LSM4: variants seen among roughly 807,000 people sequenced by gnomAD.
The protein encoded by LSM4 is U6 snRNA-associated Sm-like protein LSm4.
Under a neutral mutation model 22.3 loss-of-function variants are expected in LSM4, and 15 were observed. The ratio of observed to expected loss-of-function variants is 0.67; its 90% CI spans 0.45 to 1.03. The LOEUF (loss-of-function observed/expected upper bound fraction) is 1.03, where lower values mean the gene tolerates loss of function less well. Ranked by LOEUF, LSM4 falls within the 50% of genes least tolerant of loss-of-function variation. The probability of loss-of-function intolerance (pLI) is 0.00; values close to 1 mark genes in which losing one functional copy is unlikely to be tolerated. For synonymous variants in LSM4, 90 were observed against 79.8 expected (o/e 1.13, Z -0.68); for missense variants, 127 against 198.0 (o/e 0.64, Z 2.15).
chr19:18,318,734 C>A (rs767436925), intron 1 of LSM4, among the ~76,000 whole-genome samples: 1 of 152,254 alleles, frequency 6.6e-6, no homozygotes, highest in Non-Finnish European at 1.5e-5. Flanking sequence ...GCGCCCACAG[C>A]AGAAGTGACC....
intron 2 of LSM4, among the ~76,000 whole-genome samples, chr19:18,314,978 G>A (rs1970338759): frequency 6.6e-6 from 1 of 151,934 alleles, no homozygotes; most frequent in Non-Finnish European, 1.5e-5. Flanking sequence ...TCCGCCTCCC[G>A]GGTTCACGCC....
intron 2 of LSM4, 109 bp from the exon 3 acceptor site, chr19:18,312,811 G>T: frequency 1.2e-6 from 1 of 811,408 alleles, no homozygotes; most frequent in Non-Finnish European, 2.1e-6. Flanking sequence ...CCGGGCCTCA[G>T]CCCACAGTTC....
chr19:18,315,233 C>G (rs1970342208), intron 2 of LSM4, among the ~76,000 whole-genome samples: 1 of 152,086 alleles, frequency 6.6e-6, no homozygotes, highest in Non-Finnish European at 1.5e-5. Flanking sequence ...CCTGCAACCT[C>G]AAACGCCTCA....
chr19:18,319,664 C>A (rs1029011730), intron 1 of LSM4, among the ~76,000 whole-genome samples: 1 of 152,198 alleles, frequency 6.6e-6, no homozygotes, highest in Non-Finnish European at 1.5e-5. Context: ...CAGGCTCTGC[C>A]ACACTGGCCG....
At position 18,315,169 on chromosome 19, in the gene LSM4, C is replaced by T. The variant is rs148017777; in HGVS notation, c.45+855G>A. Among the ~76,000 whole-genome samples, 237 of 152,060 alleles carry T rather than the reference C, an allele frequency of 1.6e-3. 1 individual carries two copies. Among genetic ancestry groups the T allele is most frequent in the African/African-American group, 5.5e-3 (229 of 41,476 alleles). ...TGGGATTACAGGCATAGAGCCACCA[C>T]GCCCGGCCAATATTATCATTTTTTG... On this transcript the variant is annotated intron_variant, in intron 2 of 4. Coordinates refer to ENST00000593829, the MANE Select transcript of LSM4 (RefSeq NM_012321.5).
At chr19:18,312,975 C>T (rs562125553) in intron 2 of LSM4, among the ~76,000 whole-genome samples, 1 of 152,244 alleles carries the variant, frequency 6.6e-6, no homozygotes, top group African/African-American at 2.4e-5. Flanking sequence ...AATCCCAGCA[C>T]TTTGGGAGGC....
chr19:18,316,194 C>T lies in LSM4; in HGVS notation c.4-129G>A, dbSNP rs898632514. On this transcript the variant is annotated intron_variant, in intron 1 of 4. Coordinates refer to ENST00000593829, the MANE Select transcript of LSM4 (RefSeq NM_012321.5). ...GGGGCACAGGAGTGCGTGTCAATCA[C>T]CCCCCACTGGAAATGCCATTTCCTC... The T allele has an allele frequency of 1.0e-5, 7 of 702,106 alleles. No individual in the cohort carries two copies. In the South Asian group the frequency reaches 1.1e-4, roughly 11 times the overall value. The allele number at this position is 702,106 out of a possible 1,614,324, so 43.5% of individuals were successfully genotyped here. A position where few individuals can be genotyped will look rare whatever the true frequency, so the allele number is the denominator to read the frequency against.
intron 3 of LSM4, chr19:18,312,345 G>T (rs1469992623): frequency 2.2e-6 from 1 of 451,460 alleles, no homozygotes; most frequent in African/African-American, 2.0e-5. Flanking sequence ...GGAGTCCCCA[G>T]TCCTAGGTCC....
In LSM4 at chr19:18,307,392, A is replaced by T. The variant is rs1392886312; in HGVS notation, c.*72T>A. 8.0e-7 allele frequency: 1 copy of T among 1,252,808 alleles called. No homozygotes were observed. The highest frequency in any genetic ancestry group is 1.0e-6 in the Non-Finnish European group (1 of 958,244). 77.6% of individuals were successfully genotyped at this position (1,252,808 alleles called of 1,614,324 possible). A position where few individuals can be genotyped will look rare whatever the true frequency, so the allele number is the denominator to read the frequency against. ...CGCCTGCCTCTTCCTTTCTGAGCAG[A>T]TCCGTCCGAGACTGTGGAGCGGAAT... On this transcript the variant is annotated 3_prime_UTR_variant, in exon 5 of 5. Transcript: ENST00000593829.
chr19:18,322,753 C>T (rs1970438606), intron 1 of LSM4, among the ~76,000 whole-genome samples: 1 of 151,992 alleles, frequency 6.6e-6, no homozygotes, highest in East Asian at 1.9e-4. Flanking sequence ...TCAGTTTCCC[C>T]ACCTGCAAAC....
intron 1 of LSM4, among the ~76,000 whole-genome samples, chr19:18,316,434 C>T (rs777224263): frequency 2.7e-4 from 41 of 151,586 alleles, no homozygotes; most frequent in Admixed American, 9.2e-4. Flanking sequence ...CTCCACCTCC[C>T]GTGTTCAAGC....
intron 1 of LSM4, 52 bp from the exon 2 acceptor site, chr19:18,316,117 G>A (rs1243134028): frequency 1.3e-6 from 2 of 1,587,664 alleles, no homozygotes; most frequent in African/African-American, 1.3e-5. Flanking sequence ...GCGCCTGGGA[G>A]CTCTGGTCTT....
At chr19:18,321,537 G>C (rs907736691) in intron 1 of LSM4, among the ~76,000 whole-genome samples, 4 of 152,174 alleles carry the variant, frequency 2.6e-5, no homozygotes, top group Non-Finnish European at 5.9e-5. Flanking sequence ...ATTGGTAATA[G>C]CCCTTTCCCG....
chr19:18,320,671 T>C (rs1970415786), intron 1 of LSM4, among the ~76,000 whole-genome samples: 1 of 152,202 alleles, frequency 6.6e-6, no homozygotes, highest in Admixed American at 6.6e-5. Context: ...TGGTGGTGCG[T>C]GCCTGTAATC....
In LSM4 at chr19:18,312,685, A is replaced by G. The variant is rs749158505; in HGVS notation, c.63T>C (p.Asn21=). ...QNHPMLVELK[N]GETYNGHLVS... is the part of the protein sequence containing the mutation. ...CCAGGTGTCCATTGTACGTCTCCCC[A>G]TTTTTCAGCTCCACCAACTAGAAGA... is the stretch of plus-strand genomic sequence containing the variant. Residue 21 remains asparagine, a synonymous_variant, in exon 3 of 5, where the codon AAT becomes AAC. Transcript: ENST00000593829. 3.7e-6 allele frequency: 6 copies of G among 1,613,018 alleles called. No homozygotes were observed. The South Asian group carries it at 5.5e-5, about 15-fold the overall frequency.
chr19:18,309,697 G>C lies in LSM4; in HGVS notation c.309C>G (p.Gly103=). The part of the protein sequence containing the change: ...LQQQKQQKGR[G]MGGAGRGVFG... ...ACCCACCTCGGCCAGCGCCGCCCAT[G>C]CCGCGGCCTTTCTGCTGCTTCTGCT... The change falls in exon 4 of 5, where the codon GGC becomes GGG. Residue 103 remains glycine (G), a synonymous_variant. Transcript: ENST00000593829. 6.2e-7 allele frequency: 1 copy of C among 1,608,762 alleles called. No individual in the cohort carries two copies. Among genetic ancestry groups the C allele is most frequent in the Non-Finnish European group, 8.5e-7 (1 of 1,178,206 alleles).
At chr19:18,307,642 T>C in intron 4 of LSM4, 87 bp from the exon 5 acceptor site, 1 of 946,040 alleles carries the variant, frequency 1.1e-6, no homozygotes, top group South Asian at 2.0e-5. Flanking sequence ...CTAGGCCAGG[T>C]CACCTAAGTC....
intron 1 of LSM4, among the ~76,000 whole-genome samples, chr19:18,322,596 G>A (rs1600174413): frequency 1.3e-5 from 2 of 152,202 alleles, no homozygotes; most frequent in South Asian, 2.1e-4. Context: ...CTAAAACTAA[G>A]TTTCACAACT....
Position 18,316,085 on chromosome 19 carries a change from A to C in LSM4, c.4-20T>G, listed in dbSNP as rs879716723. ...GGGAAGCTGAAAGGCAAATAAAGCC[A>C]CATGATTTGTCTGTTTGACCAGCGC... On this transcript the variant is annotated intron_variant, in intron 1 of 4. Transcript: ENST00000593829. 13 of 1,613,156 alleles carry C rather than the reference A, an allele frequency of 8.1e-6. No homozygotes were observed. Among genetic ancestry groups the C allele is most frequent in the African/African-American group, 2.7e-5 (2 of 74,890 alleles).
Sources: allele counts gnomAD v4.1 joint callset (sites outside exome capture counted in the v4.1 genomes callset), GRCh38; gene constraint gnomAD v4.1.1; transcripts MANE v1.5; gene names NCBI Gene and HGNC (gene_info 2026-07-23, HGNC 2026-07-21).